The following SLC17A3 variants were observed in gnomAD, a reference collection of about 807,000 sequenced individuals.
The protein encoded by SLC17A3 is sodium-dependent phosphate transport protein 4.
A neutral mutation model predicts 60.3 loss-of-function variants in SLC17A3; 61 were observed. That is an observed-to-expected ratio of 1.01 (90% CI 0.82 to 1.25). The LOEUF (loss-of-function observed/expected upper bound fraction) is 1.25. SLC17A3 is among the 50% of genes most tolerant of loss of function. The pLI, the probability that SLC17A3 is intolerant of heterozygous loss-of-function variation, is 0.00. For missense variants in SLC17A3, 624 were observed against 594.9 expected (o/e 1.05, Z -0.51); for synonymous variants, 192 against 208.9 (o/e 0.92, Z 0.70).
At position 25,862,116 on chromosome 6, in the gene SLC17A3, T is replaced by C; in HGVS notation, c.304-87A>G. 3.2e-5 allele frequency: 45 copies of C among 1,404,118 alleles called. No homozygotes were observed. In the South Asian group the frequency reaches 5.5e-4, roughly 17 times the overall value. 87.0% of individuals were successfully genotyped at this position (1,404,118 alleles called of 1,614,324 possible). Reference sequence around the variant, plus strand: ...AAGCTCCTTTAGACCTTTTGCTTGCTTTCAAATCACTATTTTCTCCATTAA... The same window carrying C: ...AAGCTCCTTTAGACCTTTTGCTTGCCTTCAAATCACTATTTTCTCCATTAA... On this transcript the variant is annotated intron_variant, in intron 3 of 12. Coordinates refer to ENST00000397060, the MANE Select transcript of SLC17A3 (RefSeq NM_001098486.2).
rs1486351622 is a variant in SLC17A3 at position 25,850,763 on chromosome 6, T to C, written c.827A>G (p.Gln276Arg). The C allele has an allele frequency of 6.2e-7, 1 of 1,612,508 alleles. No individual in the cohort carries two copies. Among genetic ancestry groups the C allele is most frequent in the Non-Finnish European group, 8.5e-7 (1 of 1,178,572 alleles). ...EKEYIISSLK[Q>R]QVGSSKQPLP... ...TGTTGGTGTCTTTATATGTACCTGT[T>C]GTTTCAAGGAGGATATGATGTATTC... Residue 276 changes from glutamine (Q) to arginine (R), a missense_variant, in exon 7 of 13, where the codon CAA (glutamine) becomes CGA (arginine). Physicochemically the swap from Gln to Arg is conservative, Grantham distance 43. Transcript: ENST00000397060.
intron 2 of SLC17A3, among the ~76,000 whole-genome samples, chr6:25,867,403 A>G (rs2151527286): frequency 6.6e-6 from 1 of 152,040 alleles, no homozygotes; most frequent in South Asian, 2.1e-4. Flanking sequence ...TGGATTAAAA[A>G]CTAACGTCTC....
In SLC17A3 at chr6:25,850,557, T is replaced by C. The variant is rs775693358; in HGVS notation, c.895A>G (p.Ile299Val). The C allele has an allele frequency of 1.2e-6, 2 of 1,613,878 alleles. No individual in the cohort carries two copies. Among genetic ancestry groups the C allele is most frequent in the South Asian group, 1.1e-5 (1 of 91,080 alleles). The change falls in exon 8 of 13, where the codon ATA becomes GTA. Residue 299 changes from isoleucine to valine, a missense_variant. Coordinates refer to ENST00000397060, the MANE Select transcript of SLC17A3 (RefSeq NM_001098486.2). ...TGATGGCTGAAACAGCCTAAACATATGGACCAAATGGGTAGAGATCTGAGC... is the reference window on the plus strand; with the variant it reads ...TGATGGCTGAAACAGCCTAAACATACGGACCAAATGGGTAGAGATCTGAGC... The part of the protein sequence containing the change: ...AMLRSLPIWS[I>V]CLGCFSHQWL...
rs1387464306 is a variant in SLC17A3, at chr6:25,850,491, T to C, written c.961A>G (p.Ile321Val). Reference sequence around the variant, plus strand: ...ATGTTAACATGGTACACAGAGCTGATGTAAGTTGGTATGTATACAACCATT... The same window carrying C: ...ATGTTAACATGGTACACAGAGCTGACGTAAGTTGGTATGTATACAACCATT... ...STMVVYIPTY[I>V]SSVYHVNIRD... The change falls in exon 8 of 13, where the codon ATC (isoleucine) becomes GTC (valine). Residue 321 changes from isoleucine (I) to valine (V), a missense_variant. By Grantham distance (29) the Ile-to-Val change is conservative. Transcript: ENST00000397060. 3.1e-6 allele frequency: 5 copies of C among 1,613,716 alleles called. No individual in the cohort carries two copies. The highest frequency in any genetic ancestry group is 4.2e-6 in the Non-Finnish European group (5 of 1,179,840).
chr6:25,858,595 C>T (rs1207013869), intron 5 of SLC17A3, among the ~76,000 whole-genome samples: 1 of 152,026 alleles, frequency 6.6e-6, no homozygotes, highest in Non-Finnish European at 1.5e-5. Flanking sequence ...ACAGCTATTC[C>T]CTTGATTTTC....
In SLC17A3 at chr6:25,850,894, A is replaced by G. The variant is rs970227524; in HGVS notation, c.713-17T>C. 2 of 1,587,524 alleles carry G rather than the reference A, an allele frequency of 1.3e-6. No homozygotes were observed. The highest frequency in any genetic ancestry group is 1.1e-5 in the South Asian group (1 of 90,566). On this transcript the variant is annotated splice_polypyrimidine_tract_variant and intron_variant, in intron 6 of 12. Transcript: ENST00000397060. ...CAACACCTCCTGTAAGCACAGGGTA[A>G]ATTTGGTAAATGGGCTGTTTTCTGC... is the stretch of plus-strand genomic sequence containing the variant.
intron 2 of SLC17A3, among the ~76,000 whole-genome samples, chr6:25,865,180 T>C (rs975586219): frequency 6.6e-6 from 1 of 152,022 alleles, no homozygotes; most frequent in Non-Finnish European, 1.5e-5. Flanking sequence ...TTAACTACTG[T>C]AGCACATATA....
intron 5 of SLC17A3, among the ~76,000 whole-genome samples, chr6:25,858,728 A>G (rs1765400232): frequency 6.6e-6 from 1 of 152,162 alleles, no homozygotes; most frequent in Non-Finnish European, 1.5e-5. Context: ...TGTCGCTACC[A>G]AATTCCAAAT....
chr6:25,845,281 C>T lies in SLC17A3; in HGVS notation c.*20G>A. 2.1e-6 allele frequency: 3 copies of T among 1,431,222 alleles called. No homozygotes were observed. The East Asian group carries it at 6.9e-5, about 33-fold the overall frequency. The allele number at this position is 1,431,222 out of a possible 1,614,324, so 88.7% of individuals were successfully genotyped here. A position where few individuals can be genotyped will look rare whatever the true frequency, so the allele number is the denominator to read the frequency against. ...TGCAATACGGTGCCTAATGACTTTT[C>T]CATCCAAGGTGGGATAACTAAGAAA... On this transcript the variant is annotated 3_prime_UTR_variant, in exon 13 of 13. Transcript: ENST00000397060.
chr6:25,858,452 C>T lies in SLC17A3; in HGVS notation c.625+3172G>A, dbSNP rs116112636. ...CAGCAGCATGTGGTACAGTTGGCCT[C>T]TGACTGACTGTTGTCTTGAGGCAGC... On this transcript the variant is annotated intron_variant, in intron 5 of 12. Coordinates refer to ENST00000397060, the MANE Select transcript of SLC17A3 (RefSeq NM_001098486.2). Among the ~76,000 whole-genome samples, 823 of 152,294 alleles carry T rather than the reference C, an allele frequency of 5.4e-3. 9 individuals carry two copies. The highest frequency in any genetic ancestry group is 0.016 in the African/African-American group (670 of 41,554).
intron 1 of SLC17A3, among the ~76,000 whole-genome samples, chr6:25,872,924 A>G (rs767644759): frequency 6.6e-6 from 1 of 151,968 alleles, no homozygotes; most frequent in African/African-American, 2.4e-5. Flanking sequence ...GCTTGTACCA[A>G]CACCCTATCT....
In SLC17A3 at chr6:25,868,631, G is replaced by T. The variant is rs575697720; in HGVS notation, c.-33-211C>A. On this transcript the variant is annotated intron_variant, in intron 1 of 12. Coordinates refer to ENST00000397060, the MANE Select transcript of SLC17A3 (RefSeq NM_001098486.2). The stretch of plus-strand genomic sequence containing the variant: ...ATTTATTAGGATCTAGAGTGCTCTT[G>T]GTGTGCCAGTTTATGAGCAATGGCT... 2.7e-5 allele frequency: 13 copies of T among 487,198 alleles called. 1 individual carries two copies. In the Admixed American group the frequency reaches 2.9e-4, roughly 11 times the overall value. The allele number at this position is 487,198 out of a possible 1,614,324, so 30.2% of individuals were successfully genotyped here.
At position 25,850,636 on chromosome 6, in the gene SLC17A3, C is replaced by T. The variant is rs1330038972; in HGVS notation, c.832-16G>A. 4 of 1,613,792 alleles carry T rather than the reference C, an allele frequency of 2.5e-6. No individual in the cohort carries two copies. Among genetic ancestry groups the T allele is most frequent in the Middle Eastern group, 1.6e-4 (1 of 6,082 alleles). ...AAGACCCGACCTGAAAACAAATTTA[C>T]TGGTCATAACGGTAAATCCGACAGA... On this transcript the variant is annotated splice_polypyrimidine_tract_variant and intron_variant, in intron 7 of 12. Coordinates refer to ENST00000397060, the MANE Select transcript of SLC17A3 (RefSeq NM_001098486.2).
chr6:25,865,094 A>T (rs1008192163), intron 2 of SLC17A3, among the ~76,000 whole-genome samples: 1 of 152,022 alleles, frequency 6.6e-6, no homozygotes, highest in Admixed American at 6.6e-5. Flanking sequence ...TGAAGCAGCT[A>T]TTACTACTAT....
At chr6:25,866,662 T>C (rs757301076) in intron 2 of SLC17A3, among the ~76,000 whole-genome samples, 3 of 151,968 alleles carry the variant, frequency 2.0e-5, no homozygotes, top group Non-Finnish European at 2.9e-5. Flanking sequence ...TTGAAAAATA[T>C]TTGCATTACA....
chr6:25,846,325 T>C (rs570558106), intron 11 of SLC17A3, among the ~76,000 whole-genome samples: 1 of 152,204 alleles, frequency 6.6e-6, no homozygotes, highest in South Asian at 2.1e-4. Flanking sequence ...GCCAAACAAC[T>C]CAAATGTCCA....
chr6:25,873,468 G>T (rs1349281599), intron 1 of SLC17A3, among the ~76,000 whole-genome samples: 1 of 152,016 alleles, frequency 6.6e-6, no homozygotes, highest in Non-Finnish European at 1.5e-5. Context: ...CTGTGAAGTT[G>T]CAGCTGCCAC....
At chr6:25,846,677 C>G (rs1209695822) in intron 11 of SLC17A3, among the ~76,000 whole-genome samples, 1 of 152,156 alleles carries the variant, frequency 6.6e-6, no homozygotes, top group Non-Finnish European at 1.5e-5. Context: ...GTGGCACGAT[C>G]TCGGCTCACT....
intron 6 of SLC17A3, among the ~76,000 whole-genome samples, chr6:25,851,388 G>C (rs1462198773): frequency 6.6e-6 from 1 of 151,684 alleles, no homozygotes; most frequent in East Asian, 1.9e-4. Flanking sequence ...CTTTTGATGA[G>C]GATATATTTC....
Sources: gnomAD v4.1 joint callset for allele counts (sites outside exome capture counted in the v4.1 genomes callset) on GRCh38, gnomAD v4.1.1 for gene constraint, MANE v1.5 for transcripts, NCBI Gene and HGNC (gene_info 2026-07-23, HGNC 2026-07-21) for gene names.